Variants in KLHL1 observed in about 807,000 individuals in gnomAD.
KLHL1 encodes kelch like family member 1.
A neutral mutation model predicts 77.7 loss-of-function variants in KLHL1; 47 were observed. That is an observed-to-expected ratio of 0.60 (90% confidence interval 0.48 to 0.77). KLHL1 has a LOEUF of 0.77. Among genes scored for constraint, KLHL1 ranks in the 30% least tolerant of loss-of-function variants. KLHL1 has a pLI of 0.00. For synonymous variants in KLHL1, 360 were observed against 325.2 expected, an observed-to-expected ratio of 1.11 and a Z score of -1.15; for missense variants, 925 against 910.8, an observed-to-expected ratio of 1.02 and a Z score of -0.20.
chr13:69,733,784 C>T lies in KLHL1; in HGVS notation c.1802+6610G>A, dbSNP rs146306772. Among the ~76,000 whole-genome samples, 15 of 152,282 alleles carry T rather than the reference C, an allele frequency of 9.9e-5. No individual in the cohort carries two copies. In the East Asian group the frequency reaches 2.9e-3, roughly 29 times the overall value. On this transcript the variant is annotated intron_variant, in intron 8 of 10. Coordinates refer to ENST00000377844, the MANE Select transcript of KLHL1 (RefSeq NM_020866.3). ...AAAACCACTTACAAACACATTTGAG[C>T]AGTATCTACTAAAGCTGAGCACAAG...
intron 1 of KLHL1, among the ~76,000 whole-genome samples, chr13:70,098,757 T>A (rs1179188375): frequency 2.0e-5 from 3 of 151,812 alleles, no homozygotes; most frequent in Non-Finnish European, 4.4e-5. Context: ...GAGCATTTTT[T>A]ACTATCATAG....
At chr13:70,085,933 G>A (rs559526793) in intron 1 of KLHL1, among the ~76,000 whole-genome samples, 4 of 152,248 alleles carry the variant, frequency 2.6e-5, no homozygotes, top group South Asian at 4.1e-4. Context: ...GTCTATCCAT[G>A]TATATGGTGA....
rs775993392 is a variant in KLHL1 at position 70,107,193 on chromosome 13, C to T, written c.497+10G>A. The T allele has an allele frequency of 7.6e-6, 12 of 1,583,314 alleles. No individual in the cohort carries two copies. Among genetic ancestry groups the T allele is most frequent in the Non-Finnish European group, 9.5e-6 (11 of 1,163,668 alleles). Reference sequence around the variant, plus strand: ...GAGATGCTTGGAAGCCCCGTGGGGACTTACTGTACCTGTGTCCACATCCTT... The same window carrying T: ...GAGATGCTTGGAAGCCCCGTGGGGATTTACTGTACCTGTGTCCACATCCTT... On this transcript the variant is annotated intron_variant, in intron 1 of 10. Transcript: ENST00000377844.
rs1175080920 is a variant in KLHL1 at position 69,707,003 on chromosome 13, C to T, written c.2187+622G>A. Among the ~76,000 whole-genome samples, 3 of 151,902 alleles carry T rather than the reference C, an allele frequency of 2.0e-5. No individual in the cohort carries two copies. The Admixed American group carries it at 2.0e-4, about 10-fold the overall frequency. On this transcript the variant is annotated intron_variant, in intron 10 of 10. Transcript: ENST00000377844. ...GCATAATGCCTCACCTAAGATAAAC[C>T]AGTCATGTTACTCCAACTTCCTGGA... is the stretch of plus-strand genomic sequence containing the variant.
At chr13:69,877,644 T>C (rs1400415658) in intron 5 of KLHL1, among the ~76,000 whole-genome samples, 1 of 152,160 alleles carries the variant, frequency 6.6e-6, no homozygotes, top group Non-Finnish European at 1.5e-5. Context: ...TATAACTCAG[T>C]TATCTATCAC....
chr13:69,798,718 G>A (rs971347158), intron 6 of KLHL1, among the ~76,000 whole-genome samples: 2 of 151,944 alleles, frequency 1.3e-5, no homozygotes, highest in Admixed American at 1.3e-4. Context: ...AAGTCATCTG[G>A]ATTCTCAAAG....
At chr13:69,919,428 T>C (rs761944471) in intron 4 of KLHL1, among the ~76,000 whole-genome samples, 4 of 152,154 alleles carry the variant, frequency 2.6e-5, no homozygotes, top group South Asian at 2.1e-4. Context: ...ATTCTATCCA[T>C]AGAATTTAAA....
At chr13:69,889,128 A>G (rs547745867) in intron 4 of KLHL1, among the ~76,000 whole-genome samples, 9 of 152,160 alleles carry the variant, frequency 5.9e-5, no homozygotes, top group Admixed American at 5.2e-4. Context: ...TCTCCCTTCA[A>G]GTATCAAGAG....
At chr13:70,035,803 A>G (rs564794174) in intron 1 of KLHL1, among the ~76,000 whole-genome samples, 1 of 152,152 alleles carries the variant, frequency 6.6e-6, no homozygotes, top group South Asian at 2.1e-4. Flanking sequence ...ATCAAGCCTG[A>G]TACAAAATTA....
At chr13:69,705,307 C>G (rs1443614889) in intron 10 of KLHL1, among the ~76,000 whole-genome samples, 1 of 151,572 alleles carries the variant, frequency 6.6e-6, no homozygotes, top group Non-Finnish European at 1.5e-5. Context: ...ACACGTGTAT[C>G]TATACATATG....
At chr13:69,956,027 T>G (rs948568127) in intron 3 of KLHL1, among the ~76,000 whole-genome samples, 1 of 102,398 alleles carries the variant, frequency 9.8e-6, no homozygotes, top group Admixed American at 1.0e-4. Context: ...GATATATATT[T>G]ATATATATTT....
intron 1 of KLHL1, among the ~76,000 whole-genome samples, chr13:70,035,799 C>A (rs1447564628): frequency 6.6e-6 from 1 of 151,538 alleles, no homozygotes; most frequent in Non-Finnish European, 1.5e-5. Flanking sequence ...CTCTATCAAG[C>A]CTGATACAAA....
intron 7 of KLHL1, among the ~76,000 whole-genome samples, chr13:69,758,215 C>T (rs1482877266): frequency 6.6e-6 from 1 of 151,914 alleles, no homozygotes; most frequent in Non-Finnish European, 1.5e-5. Flanking sequence ...TGATGATATA[C>T]TAAATTCTTG....
chr13:69,995,040 T>A (rs981976749), intron 1 of KLHL1, among the ~76,000 whole-genome samples: 1 of 152,124 alleles, frequency 6.6e-6, no homozygotes, highest in African/African-American at 2.4e-5. Context: ...TATAGATCCC[T>A]GCCAGTAGCC....
chr13:69,837,614 CTATATATATGTGTG>C (rs1879058254), intron 6 of KLHL1, among the ~76,000 whole-genome samples: 13 of 136,546 alleles, frequency 9.5e-5, no homozygotes, highest in African/African-American at 3.9e-4. Context: ...ATCTCTCTCT[CTATATATATGTGTG>C]TGTATATATA....
chr13:69,908,860 A>G (rs1593939110), intron 4 of KLHL1, among the ~76,000 whole-genome samples: 1 of 151,008 alleles, frequency 6.6e-6, no homozygotes, highest in Admixed American at 6.6e-5. Context: ...TCAACATTTT[A>G]CAGTGTTAAA....
intron 1 of KLHL1, among the ~76,000 whole-genome samples, chr13:70,015,125 T>C (rs1217293907): frequency 6.6e-6 from 1 of 152,144 alleles, no homozygotes; most frequent in African/African-American, 2.4e-5. Context: ...CATATGGTCA[T>C]GTGCCACTAA....
At chr13:70,091,059 C>T (rs1309151562) in intron 1 of KLHL1, among the ~76,000 whole-genome samples, 1 of 151,894 alleles carries the variant, frequency 6.6e-6, no homozygotes, top group Non-Finnish European at 1.5e-5. Flanking sequence ...GTTTTATTCC[C>T]GTGCTTATGA....
At chr13:69,918,984 C>A (rs1593949194) in intron 4 of KLHL1, among the ~76,000 whole-genome samples, 1 of 151,800 alleles carries the variant, frequency 6.6e-6, no homozygotes, top group African/African-American at 2.4e-5. Context: ...TAATTCTGAC[C>A]AATATTTTGT....
Sources: allele counts gnomAD v4.1 joint callset (sites outside exome capture counted in the v4.1 genomes callset), GRCh38; gene constraint gnomAD v4.1.1; transcripts MANE v1.5; gene names NCBI Gene and HGNC (gene_info 2026-07-23, HGNC 2026-07-21).